Variants in CNIH4 observed in about 807,000 individuals in gnomAD.
CNIH4 encodes the protein protein cornichon homolog 4.
In CNIH4, 9 loss-of-function variants were observed where a neutral mutation model predicts 21.5. The observed-to-expected ratio is 0.42, with a 90% CI of 0.25 to 0.73. The LOEUF is 0.73. CNIH4 is among the 30% of genes least tolerant of loss of function. The probability of loss-of-function intolerance (pLI) is 0.27; values close to 1 mark genes in which losing one functional copy is unlikely to be tolerated. For missense variants in CNIH4, 159 were observed against 170.0 expected, an observed-to-expected ratio of 0.94 and a Z score of 0.36; for synonymous variants, 67 against 59.1, an observed-to-expected ratio of 1.13 and a Z score of -0.61.
intron 4 of CNIH4, 71 bp downstream of exon 4, chr1:224,371,494 T>C: frequency 6.9e-7 from 1 of 1,455,962 alleles, no homozygotes; most frequent in Non-Finnish European, 9.4e-7. Flanking sequence ...TACTATACTA[T>C]AGGATTTTGC....
intron 1 of CNIH4, chr1:224,357,473 C>A (rs562603666): frequency 6.5e-6 from 1 of 154,454 alleles, no homozygotes; most frequent in Non-Finnish European, 1.4e-5. Flanking sequence ...CCATTTGCCT[C>A]CTCCTGTTCC....
chr1:224,361,800 G>A (rs1165959001), intron 2 of CNIH4, among the ~76,000 whole-genome samples: 1 of 151,930 alleles, frequency 6.6e-6, no homozygotes, highest in Admixed American at 6.6e-5. Context: ...GCCCAGGCTG[G>A]TCTGAAATTC....
chr1:224,379,191 CCA>C lies in CNIH4; in HGVS notation c.*3372_*3373del, dbSNP rs1362721928. 1 of 1,223,030 alleles carries C rather than the reference CCA, an allele frequency of 8.2e-7. No homozygotes were observed. Among genetic ancestry groups the C allele is most frequent in the African/African-American group, 1.5e-5 (1 of 66,688 alleles). The allele number at this position is 1,223,030 out of a possible 1,614,324, so 75.8% of individuals were successfully genotyped here. On this transcript the variant is annotated 3_prime_UTR_variant, in exon 5 of 5. Coordinates refer to ENST00000465271, the MANE Select transcript of CNIH4 (RefSeq NM_014184.4). ...CCCCTCAGCTGCCTTTTCATGCCTG[CCA>C]CAGACTACAGTAGGACAAAACCTGA... is the stretch of plus-strand genomic sequence containing the variant.
rs1161603926 is a variant in CNIH4 at position 224,379,105 on chromosome 1, G to A, written c.*3283G>A. 4.5e-6 allele frequency: 7 copies of A among 1,550,362 alleles called. No homozygotes were observed. The highest frequency in any genetic ancestry group is 1.4e-5 in the African/African-American group (1 of 73,016). Reference sequence around the variant, plus strand: ...GCCCTTGCTAATCACCGTAACCTCGGCTGAGAAAGAAGAGGAAGCGAAATC... The same window carrying A: ...GCCCTTGCTAATCACCGTAACCTCGACTGAGAAAGAAGAGGAAGCGAAATC... On this transcript the variant is annotated 3_prime_UTR_variant, in exon 5 of 5. Transcript: ENST00000465271.
chr1:224,365,808 T>G (rs541332810), intron 2 of CNIH4, 71 bp from the exon 3 acceptor site: 40 of 923,320 alleles, frequency 4.3e-5, no homozygotes, highest in Non-Finnish European at 6.2e-5. Context: ...TTCATTGATT[T>G]AGTTTCAAAT....
At chr1:224,357,768 C>T (rs1672160309) in intron 1 of CNIH4, among the ~76,000 whole-genome samples, 1 of 152,192 alleles carries the variant, frequency 6.6e-6, no homozygotes, top group Admixed American at 6.5e-5. Flanking sequence ...CATGTTAAAA[C>T]TTAAGTTGCA....
chr1:224,362,722 TG>T (rs1237441932), intron 2 of CNIH4, among the ~76,000 whole-genome samples: 32 of 152,246 alleles, frequency 2.1e-4, no homozygotes, highest in African/African-American at 6.5e-4. Flanking sequence ...CTTGATCTCC[TG>T]ACCTCGTAAT....
chr1:224,379,350 C>A lies in CNIH4; in HGVS notation c.*3528C>A. On this transcript the variant is annotated 3_prime_UTR_variant, in exon 5 of 5. Coordinates refer to ENST00000465271, the MANE Select transcript of CNIH4 (RefSeq NM_014184.4). ...TCTTAGATTGTATGTTCCTGGAGGG[C>A]AGAATATGCCCATTCATATTTGTAT... The A allele has an allele frequency of 2.0e-6, 1 of 496,324 alleles. No homozygotes were observed. Among genetic ancestry groups the A allele is most frequent in the Non-Finnish European group, 3.7e-6 (1 of 272,808 alleles). 30.7% of individuals were successfully genotyped at this position (496,324 alleles called of 1,614,324 possible). A position where few individuals can be genotyped will look rare whatever the true frequency, so the allele number is the denominator to read the frequency against.
In CNIH4 at chr1:224,375,870, TGAG is replaced by T. The variant is rs1672767828; in HGVS notation, c.*52_*54del. On this transcript the variant is annotated 3_prime_UTR_variant, in exon 5 of 5. Coordinates refer to ENST00000465271, the MANE Select transcript of CNIH4 (RefSeq NM_014184.4). ...GTCAGCCTACACTACAGTGCACAGTTGAGGAGCCAGAGACTTCTTAAATCATCC... is the reference window on the plus strand; with the variant it reads ...GTCAGCCTACACTACAGTGCACAGTTGAGCCAGAGACTTCTTAAATCATCC... The T allele has an allele frequency of 1.2e-6, 2 of 1,608,566 alleles. No homozygotes were observed. Among genetic ancestry groups the T allele is most frequent in the Non-Finnish European group, 1.7e-6 (2 of 1,177,084 alleles).
At position 224,378,471 on chromosome 1, in the gene CNIH4, G is replaced by A. The variant is rs1022458005; in HGVS notation, c.*2649G>A. Reference sequence around the variant, plus strand: ...TTTTCATTGATTGGAGAGTTGTAGAGGACCTTAGAGATCATTTTGTCTAAC... The same window carrying A: ...TTTTCATTGATTGGAGAGTTGTAGAAGACCTTAGAGATCATTTTGTCTAAC... On this transcript the variant is annotated 3_prime_UTR_variant, in exon 5 of 5. Coordinates refer to ENST00000465271, the MANE Select transcript of CNIH4 (RefSeq NM_014184.4). 3 of 152,862 alleles carry A rather than the reference G, an allele frequency of 2.0e-5. No individual in the cohort carries two copies. Among genetic ancestry groups the A allele is most frequent in the Admixed American group, 6.5e-5 (1 of 15,288 alleles). The allele number at this position is 152,862 out of a possible 1,614,324, so 9.5% of individuals were successfully genotyped here.
chr1:224,363,370 G>A (rs1349680958), intron 2 of CNIH4, among the ~76,000 whole-genome samples: 1 of 152,164 alleles, frequency 6.6e-6, no homozygotes, highest in Non-Finnish European at 1.5e-5. Flanking sequence ...AACAAATGTA[G>A]CATTTATGCT....
At position 224,364,257 on chromosome 1, in the gene CNIH4, AT is replaced by A. The variant is rs1558396416; in HGVS notation, c.139-1621del. 5 of 985,124 alleles carry A rather than the reference AT, an allele frequency of 5.1e-6. No individual in the cohort carries two copies. In the African/African-American group the frequency reaches 7.0e-5, roughly 14 times the overall value. 61.0% of individuals were successfully genotyped at this position (985,124 alleles called of 1,614,324 possible). A position where few individuals can be genotyped will look rare whatever the true frequency, so the allele number is the denominator to read the frequency against. On this transcript the variant is annotated intron_variant, in intron 2 of 4. Transcript: ENST00000465271. Reference sequence around the variant, plus strand: ...AAACAAGAGGAAAAAAAAAAGAAACATGTTTCAGGTCTGTGTCTGTGTAATA... The same window carrying A: ...AAACAAGAGGAAAAAAAAAAGAAACAGTTTCAGGTCTGTGTCTGTGTAATA...
chr1:224,358,605 A>G (rs1022889362), intron 1 of CNIH4, among the ~76,000 whole-genome samples: 4 of 152,258 alleles, frequency 2.6e-5, no homozygotes, highest in East Asian at 1.9e-4. Flanking sequence ...TTCATCAGCT[A>G]TCATTAGTAT....
chr1:224,359,666 G>A (rs1032871344), intron 1 of CNIH4, among the ~76,000 whole-genome samples: 1 of 152,128 alleles, frequency 6.6e-6, no homozygotes, highest in African/African-American at 2.4e-5. Flanking sequence ...CATCTCCTGG[G>A]TTCAAGCGAT....
chr1:224,379,074 G>C lies in CNIH4; in HGVS notation c.*3252G>C. 6.4e-7 allele frequency: 1 copy of C among 1,550,570 alleles called. No homozygotes were observed. The highest frequency in any genetic ancestry group is 1.2e-5 in the South Asian group (1 of 84,062). ...TTTTCCTTCTATCCTTTCAGTGGTAGCAACTGCCCTTGCTAATCACCGTAA... is the reference window on the plus strand; with the variant it reads ...TTTTCCTTCTATCCTTTCAGTGGTACCAACTGCCCTTGCTAATCACCGTAA... On this transcript the variant is annotated 3_prime_UTR_variant, in exon 5 of 5. Coordinates refer to ENST00000465271, the MANE Select transcript of CNIH4 (RefSeq NM_014184.4).
chr1:224,360,842 T>G (rs1485779605), intron 2 of CNIH4, among the ~76,000 whole-genome samples: 1 of 152,204 alleles, frequency 6.6e-6, no homozygotes, highest in Non-Finnish European at 1.5e-5. Context: ...TGAGGGTAAT[T>G]GTTTTTGTCT....
intron 4 of CNIH4, among the ~76,000 whole-genome samples, chr1:224,373,351 C>T (rs1036750219): frequency 1.3e-5 from 2 of 152,150 alleles, no homozygotes; most frequent in African/African-American, 4.8e-5. Context: ...CCCACCCCTG[C>T]GGTTTCATGC....
chr1:224,376,222 C>A lies in CNIH4; in HGVS notation c.*400C>A. On this transcript the variant is annotated 3_prime_UTR_variant, in exon 5 of 5. Transcript: ENST00000465271. ...TGAAAAGTTAGAGTACAAAACAACACTGTTGATCTGGACAAAAGAAGAAAA... is the reference window on the plus strand; with the variant it reads ...TGAAAAGTTAGAGTACAAAACAACAATGTTGATCTGGACAAAAGAAGAAAA... The A allele has an allele frequency of 1.0e-6, 1 of 994,978 alleles. No individual in the cohort carries two copies. The highest frequency in any genetic ancestry group is 5.1e-4 in the Middle Eastern group (1 of 1,956). 61.6% of individuals were successfully genotyped at this position (994,978 alleles called of 1,614,324 possible).
Position 224,375,812 on chromosome 1 carries a change from T to C in CNIH4, c.410T>C (p.Ile137Thr). The change falls in exon 5 of 5, where the codon ATA (isoleucine) becomes ACA (threonine). Residue 137 changes from isoleucine to threonine, a missense_variant. Physicochemically the swap from Ile to Thr is moderately conservative, Grantham distance 89. Transcript: ENST00000465271. ...MYLYSMILALIND is the reference protein window; with the variant it reads ...MYLYSMILALTND ...TTCCACAGTATGATCTTAGCTTTGA[T>C]AAATGACTGAAGCTGGAGAAGCCGT... The C allele has an allele frequency of 1.2e-6, 2 of 1,614,108 alleles. No homozygotes were observed. The highest frequency in any genetic ancestry group is 1.7e-6 in the Non-Finnish European group (2 of 1,179,980).
Sources: gnomAD v4.1 joint callset for allele counts (sites outside exome capture counted in the v4.1 genomes callset) on GRCh38, gnomAD v4.1.1 for gene constraint, MANE v1.5 for transcripts, NCBI Gene and HGNC (gene_info 2026-07-23, HGNC 2026-07-21) for gene names.